Variants in ADAMTS18 observed in about 807,000 individuals in gnomAD.
The protein encoded by ADAMTS18 is ADAM metallopeptidase with thrombospondin type 1 motif 18.
A neutral mutation model predicts 165.9 loss-of-function variants in ADAMTS18; 157 were observed. The ratio of observed to expected loss-of-function variants is 0.95; its 90% CI spans 0.83 to 1.08. The LOEUF is 1.08. ADAMTS18 is among the 50% of genes least tolerant of loss of function. The pLI is 0.00. For synonymous variants in ADAMTS18, 782 were observed against 578.2 expected (o/e 1.35, Z -5.06); for missense variants, 2,040 against 1,534.0 (o/e 1.33, Z -5.51).
chr16:77,300,860 A>C (rs1407324268), intron 16 of ADAMTS18, among the ~76,000 whole-genome samples: 5 of 152,168 alleles, frequency 3.3e-5, no homozygotes, highest in Non-Finnish European at 5.9e-5. Flanking sequence ...CCTAGGTCAC[A>C]ATTTACAAGC....
intron 3 of ADAMTS18, among the ~76,000 whole-genome samples, chr16:77,400,971 A>T (rs1207558682): frequency 6.6e-6 from 1 of 151,948 alleles, no homozygotes; most frequent in Non-Finnish European, 1.5e-5. Flanking sequence ...AAAGAAACCA[A>T]ATTGCCAGGC....
At chr16:77,288,059 G>A (rs1286827556) in intron 22 of ADAMTS18, among the ~76,000 whole-genome samples, 1 of 152,118 alleles carries the variant, frequency 6.6e-6, no homozygotes, top group Non-Finnish European at 1.5e-5. Flanking sequence ...CTACACTCAT[G>A]CATTTATTCA....
At chr16:77,299,743 A>AG (rs1294348512) in intron 17 of ADAMTS18, among the ~76,000 whole-genome samples, 1 of 152,146 alleles carries the variant, frequency 6.6e-6, no homozygotes, top group East Asian at 1.9e-4. Flanking sequence ...CTTCCTTGCA[A>AG]GGGTTGTCTC....
At chr16:77,390,956 A>G (rs4887904) in intron 3 of ADAMTS18, among the ~76,000 whole-genome samples, 26,565 of 152,182 alleles carry the variant, frequency 0.17, 3,011 homozygotes, top group Non-Finnish European at 0.26. Context: ...ATTGCAAATT[A>G]TTGCCAAATA....
At chr16:77,423,561 T>C (rs1034615862) in intron 3 of ADAMTS18, among the ~76,000 whole-genome samples, 2 of 152,166 alleles carry the variant, frequency 1.3e-5, no homozygotes, top group African/African-American at 4.8e-5. Context: ...GACTTATCAA[T>C]GAAGAAATAA....
chr16:77,420,377 G>A (rs1166361975), intron 3 of ADAMTS18, among the ~76,000 whole-genome samples: 1 of 152,098 alleles, frequency 6.6e-6, no homozygotes, highest in African/African-American at 2.4e-5. Flanking sequence ...AAACTCAACT[G>A]TGCATTAGGA....
chr16:77,367,343 C>T (rs986115872), intron 4 of ADAMTS18, 98 bp downstream of exon 4: 2 of 1,364,302 alleles, frequency 1.5e-6, no homozygotes, highest in African/African-American at 1.4e-5. Flanking sequence ...CTCAGGGTAG[C>T]CCCATTTTGA....
intron 3 of ADAMTS18, among the ~76,000 whole-genome samples, chr16:77,424,154 C>T (rs1049572977): frequency 2.6e-5 from 4 of 152,028 alleles, no homozygotes; most frequent in East Asian, 1.9e-4. Context: ...AGCCTGATGC[C>T]TTAGTGGTCA....
intron 3 of ADAMTS18, among the ~76,000 whole-genome samples, chr16:77,384,758 A>G (rs2057081408): frequency 6.6e-6 from 1 of 152,164 alleles, no homozygotes; most frequent in Non-Finnish European, 1.5e-5. Context: ...AGAGAAACGT[A>G]TATAGTAAGC....
At position 77,353,831 on chromosome 16, in the gene ADAMTS18, A is replaced by G; in HGVS notation, c.1516T>C (p.Tyr506His). 1 of 1,614,148 alleles carries G rather than the reference A, an allele frequency of 6.2e-7. No individual in the cohort carries two copies. The highest frequency in any genetic ancestry group is 8.5e-7 in the Non-Finnish European group (1 of 1,180,026). ...DEPKQAGQYKYPDKLPGQIYD... is the reference protein window; with the variant it reads ...DEPKQAGQYKHPDKLPGQIYD... Reference sequence around the variant, plus strand: ...ATCTGTCCTGGTAGTTTGTCCGGATATTTATACTGTCCTGCTTGCTTGGGC... The same window carrying G: ...ATCTGTCCTGGTAGTTTGTCCGGATGTTTATACTGTCCTGCTTGCTTGGGC... Residue 506 changes from tyrosine to histidine, a missense_variant, in exon 10 of 23, where the codon TAT becomes CAT. By Grantham distance (83) the Tyr-to-His change is moderately conservative (BLOSUM62 2). Coordinates refer to ENST00000282849, the MANE Select transcript of ADAMTS18 (RefSeq NM_199355.4).
chr16:77,404,683 T>A (rs2057372062), intron 3 of ADAMTS18, among the ~76,000 whole-genome samples: 2 of 152,156 alleles, frequency 1.3e-5, no homozygotes, highest in Admixed American at 1.3e-4. Flanking sequence ...CGTCATTCTG[T>A]CCATCTTGTT....
At chr16:77,315,880 A>T (rs929043619) in intron 16 of ADAMTS18, among the ~76,000 whole-genome samples, 3 of 152,166 alleles carry the variant, frequency 2.0e-5, no homozygotes, top group Non-Finnish European at 4.4e-5. Context: ...CCTACTTGAC[A>T]GCTACTCTTG....
At chr16:77,391,124 G>C (rs888648938) in intron 3 of ADAMTS18, among the ~76,000 whole-genome samples, 1 of 152,070 alleles carries the variant, frequency 6.6e-6, no homozygotes, top group Non-Finnish European at 1.5e-5. Flanking sequence ...TCTACATAAA[G>C]GCATAAGTTA....
Position 77,353,716 on chromosome 16 carries a change from A to G in ADAMTS18, c.1614+17T>C. The G allele has an allele frequency of 6.2e-7, 1 of 1,614,202 alleles. No individual in the cohort carries two copies. Among genetic ancestry groups the G allele is most frequent in the Admixed American group, 1.7e-5 (1 of 60,024 alleles). ...TGCAGAGTCTTAATGTAAGTTTGAAATCACAAGCAAACATACCTTCACAAA... is the reference window on the plus strand; with the variant it reads ...TGCAGAGTCTTAATGTAAGTTTGAAGTCACAAGCAAACATACCTTCACAAA... On this transcript the variant is annotated intron_variant, in intron 10 of 22. Coordinates refer to ENST00000282849, the MANE Select transcript of ADAMTS18 (RefSeq NM_199355.4).
chr16:77,413,683 G>C (rs1597245272), intron 3 of ADAMTS18, among the ~76,000 whole-genome samples: 1 of 150,338 alleles, frequency 6.7e-6, no homozygotes, highest in South Asian at 2.2e-4. Context: ...ATGTTATTTA[G>C]TATACTTAAA....
At chr16:77,346,465 G>T (rs1181792524) in intron 10 of ADAMTS18, among the ~76,000 whole-genome samples, 3 of 151,712 alleles carry the variant, frequency 2.0e-5, no homozygotes, top group African/African-American at 4.8e-5. Flanking sequence ...GAGCTTTCAA[G>T]AATTAAAAAA....
At chr16:77,387,912 G>T (rs533187227) in intron 3 of ADAMTS18, among the ~76,000 whole-genome samples, 2 of 152,238 alleles carry the variant, frequency 1.3e-5, no homozygotes, top group South Asian at 4.2e-4. Context: ...GAGAAAGATG[G>T]TGCCTGCTCC....
At chr16:77,287,359 G>A (rs528941673) in intron 22 of ADAMTS18, among the ~76,000 whole-genome samples, 72 of 152,272 alleles carry the variant, frequency 4.7e-4, no homozygotes, top group Admixed American at 1.2e-3. Context: ...TACTTGGGAT[G>A]GGAATGGGAG....
At position 77,299,752 on chromosome 16, in the gene ADAMTS18, T is replaced by A. The variant is rs1051472501; in HGVS notation, c.2674+511A>T. Among the ~76,000 whole-genome samples, 6 of 152,232 alleles carry A rather than the reference T, an allele frequency of 3.9e-5. No individual in the cohort carries two copies. In the South Asian group the frequency reaches 8.3e-4, roughly 21 times the overall value. On this transcript the variant is annotated intron_variant, in intron 17 of 22. Coordinates refer to ENST00000282849, the MANE Select transcript of ADAMTS18 (RefSeq NM_199355.4). ...TTGTTCCTTCCTTGCAAGGGTTGTC[T>A]CAGATTTAATCCATTCCTCTAGTGA...
Sources: gnomAD v4.1 joint callset for allele counts (sites outside exome capture counted in the v4.1 genomes callset) on GRCh38, gnomAD v4.1.1 for gene constraint, MANE v1.5 for transcripts, NCBI Gene and HGNC (gene_info 2026-07-23, HGNC 2026-07-21) for gene names.